LIMCH1: variants seen among roughly 807,000 people sequenced by gnomAD.
LIMCH1 encodes LIM and calponin homology domains-containing protein 1.
A neutral mutation model predicts 176.5 loss-of-function variants in LIMCH1; 113 were observed. The observed-to-expected ratio is 0.64, with a 90% CI of 0.55 to 0.75. LIMCH1 has a LOEUF of 0.75. LIMCH1 is among the 30% of genes least tolerant of loss of function. The pLI is 0.00. For missense variants in LIMCH1, 1,674 were observed against 1,814.9 expected (o/e 0.92, Z 1.41); for synonymous variants, 619 against 645.9 (o/e 0.96, Z 0.63).
chr4:41,591,436 G>T (rs567547805), intron 1 of LIMCH1, among the ~76,000 whole-genome samples: 1 of 152,176 alleles, frequency 6.6e-6, no homozygotes, highest in Admixed American at 6.5e-5. Flanking sequence ...TATAGAGAGA[G>T]TCTTGCTCTC....
At chr4:41,614,190 G>A (rs1346569429) in intron 5 of LIMCH1, among the ~76,000 whole-genome samples, 1 of 152,214 alleles carries the variant, frequency 6.6e-6, no homozygotes, top group African/African-American at 2.4e-5. Flanking sequence ...TAGCTAGCAC[G>A]ATGCAGGTGG....
intron 1 of LIMCH1, among the ~76,000 whole-genome samples, chr4:41,426,768 T>C (rs1299023522): frequency 6.6e-6 from 1 of 152,236 alleles, no homozygotes; most frequent in Non-Finnish European, 1.5e-5. Flanking sequence ...GTAAACAAAC[T>C]TCTTCAGCCT....
chr4:41,468,902 G>A (rs2066544504), intron 1 of LIMCH1, among the ~76,000 whole-genome samples: 1 of 152,094 alleles, frequency 6.6e-6, no homozygotes, highest in African/African-American at 2.4e-5. Flanking sequence ...TTTTTTAAGA[G>A]GTTGAAAAAC....
intron 1 of LIMCH1, among the ~76,000 whole-genome samples, chr4:41,370,181 C>T (rs1045543312): frequency 2.0e-5 from 3 of 152,202 alleles, no homozygotes; most frequent in Admixed American, 6.5e-5. Context: ...CCCCAGCATT[C>T]GGCCTTAGGG....
chr4:41,442,309 T>TAAATAA (rs10527895), intron 1 of LIMCH1, among the ~76,000 whole-genome samples: 10 of 151,316 alleles, frequency 6.6e-5, no homozygotes, highest in South Asian at 2.1e-4. Flanking sequence ...CAAAAATACA[T>TAAATAA]AAATAAAAAT....
At chr4:41,537,123 G>A (rs987045657), upstream of LIMCH1, among the ~76,000 whole-genome samples, 2 of 152,110 alleles carry the variant, frequency 1.3e-5, no homozygotes, top group African/African-American at 4.8e-5. Flanking sequence ...AAATACAGAA[G>A]TTATTAATAA....
At chr4:41,650,346 G>T in intron 17 of LIMCH1, 47 bp from the exon 18 acceptor site, 3 of 1,349,192 alleles carry the variant, frequency 2.2e-6, no homozygotes, top group Admixed American at 3.5e-5. Flanking sequence ...TACAGTCTTT[G>T]ATTGGGGTAT....
At chr4:41,445,702 A>G (rs1204802820) in intron 1 of LIMCH1, among the ~76,000 whole-genome samples, 1 of 152,232 alleles carries the variant, frequency 6.6e-6, no homozygotes, top group Non-Finnish European at 1.5e-5. Flanking sequence ...GAATTTATTT[A>G]GCCTAAAAAT....
At chr4:41,502,657 G>A (rs1199654970) in intron 2 of LIMCH1, among the ~76,000 whole-genome samples, 9 of 152,070 alleles carry the variant, frequency 5.9e-5, no homozygotes, top group Non-Finnish European at 1.0e-4. Flanking sequence ...CTAATCATCC[G>A]TGATGTTGAG....
At chr4:41,492,344 C>T (rs1033574159) in intron 1 of LIMCH1, among the ~76,000 whole-genome samples, 19 of 151,000 alleles carry the variant, frequency 1.3e-4, no homozygotes, top group Admixed American at 4.6e-4. Context: ...GAGGTTGCAG[C>T]GAGCCGAGAT....
chr4:41,654,584 A>G (rs2094410856), intron 18 of LIMCH1, among the ~76,000 whole-genome samples: 1 of 152,154 alleles, frequency 6.6e-6, no homozygotes, highest in South Asian at 2.1e-4. Flanking sequence ...ATACGATTGC[A>G]AAGAACAGGC....
chr4:41,582,114 T>C (rs1055399450), intron 1 of LIMCH1, among the ~76,000 whole-genome samples: 1 of 152,220 alleles, frequency 6.6e-6, no homozygotes, highest in African/African-American at 2.4e-5. Context: ...AATACTTGCT[T>C]AAAATGTGTA....
intron 1 of LIMCH1, among the ~76,000 whole-genome samples, chr4:41,588,313 TGTGA>T (rs2086851621): frequency 6.6e-6 from 1 of 152,168 alleles, no homozygotes; most frequent in African/African-American, 2.4e-5. Context: ...TAATGACATC[TGTGA>T]GTGAGCAGAA....
At chr4:41,597,536 C>T (rs1264568754) in intron 1 of LIMCH1, among the ~76,000 whole-genome samples, 1 of 152,118 alleles carries the variant, frequency 6.6e-6, no homozygotes, top group Non-Finnish European at 1.5e-5. Flanking sequence ...CATGGTGTAA[C>T]TGGATTTTTA....
In LIMCH1 at chr4:41,697,318, G is replaced by C. The variant is rs1290255388; in HGVS notation, c.*133G>C. ...TTCTGAAAGGCTCTTCTGAAAGGTGGTATCTGTTCTTTCGTAGCACAGTGT... is the reference window on the plus strand; with the variant it reads ...TTCTGAAAGGCTCTTCTGAAAGGTGCTATCTGTTCTTTCGTAGCACAGTGT... On this transcript the variant is annotated 3_prime_UTR_variant, in exon 32 of 32. Coordinates refer to ENST00000503057, the MANE Select transcript of LIMCH1 (RefSeq NM_001330672.2). 1 of 743,758 alleles carries C rather than the reference G, an allele frequency of 1.3e-6. No homozygotes were observed. The highest frequency in any genetic ancestry group is 1.8e-5 in the African/African-American group (1 of 55,734). 46.1% of individuals were successfully genotyped at this position (743,758 alleles called of 1,614,324 possible). A position where few individuals can be genotyped will look rare whatever the true frequency, so the allele number is the denominator to read the frequency against.
intron 20 of LIMCH1, among the ~76,000 whole-genome samples, chr4:41,664,963 A>AT (rs2094772214): frequency 6.6e-6 from 1 of 152,182 alleles, no homozygotes; most frequent in Non-Finnish European, 1.5e-5. Context: ...CCAAATATAT[A>AT]TATAGCCCCT....
chr4:41,369,683 G>T lies in LIMCH1; in HGVS notation c.96+8747G>T, dbSNP rs186245806. On this transcript the variant is annotated intron_variant, in intron 1 of 26. Transcript: ENST00000313860. ...TATTTTACTATCACGAATTTTTTTT[G>T]TGTGTGTGTGTGGTGGGGGGATTTG... 3.8e-4 allele frequency among the ~76,000 whole-genome samples: 57 copies of T among 151,502 alleles called. 1 individual carries two copies. Among genetic ancestry groups the T allele is most frequent in the Middle Eastern group, 3.4e-3 (1 of 290 alleles).
At chr4:41,472,183 T>C (rs909940731) in intron 1 of LIMCH1, among the ~76,000 whole-genome samples, 1 of 152,208 alleles carries the variant, frequency 6.6e-6, no homozygotes, top group Admixed American at 6.5e-5. Flanking sequence ...TCTTCAAATT[T>C]TTAAATTTTG....
chr4:41,381,469 A>G (rs1253847889), intron 1 of LIMCH1, among the ~76,000 whole-genome samples: 1 of 152,216 alleles, frequency 6.6e-6, no homozygotes, highest in African/African-American at 2.4e-5. Context: ...AGGGAGCTGA[A>G]TTGGTGTGGT....
Sources: allele counts gnomAD v4.1 joint callset (sites outside exome capture counted in the v4.1 genomes callset), GRCh38; gene constraint gnomAD v4.1.1; transcripts MANE v1.5; gene names NCBI Gene and HGNC (gene_info 2026-07-23, HGNC 2026-07-21).